PGM5: variants seen among roughly 807,000 people sequenced by gnomAD.
PGM5 encodes phosphoglucomutase-like protein 5.
A neutral mutation model predicts 59.2 loss-of-function variants in PGM5; 23 were observed. The observed-to-expected ratio is 0.39, with a 90% CI of 0.28 to 0.55. The LOEUF is 0.55. Ranked by LOEUF, PGM5 falls within the 20% of genes least tolerant of loss-of-function variation. The pLI, the probability that PGM5 is intolerant of heterozygous loss-of-function variation, is 0.66. For missense variants in PGM5, 574 were observed against 748.3 expected (o/e 0.77, Z 2.72); for synonymous variants, 214 against 286.0 (o/e 0.75, Z 2.54).
intron 1 of PGM5, chr9:68,357,961 ACAC>A (rs1554675940): frequency 6.7e-6 from 1 of 149,462 alleles, no homozygotes; most frequent in Non-Finnish European, 1.5e-5. Flanking sequence ...ACACACACAC[ACAC>A]GATCCCTGAC....
chr9:68,529,377 C>A (rs1214643313), intron 10 of PGM5, among the ~76,000 whole-genome samples, 190 bp from the exon 11 acceptor site: 2 of 152,218 alleles, frequency 1.3e-5, no homozygotes, highest in Non-Finnish European at 2.9e-5. Context: ...ATCACCTTCT[C>A]CCCCTACTCT....
chr9:68,374,867 T>C (rs1821838864), intron 1 of PGM5, among the ~76,000 whole-genome samples: 1 of 152,228 alleles, frequency 6.6e-6, no homozygotes, highest in Admixed American at 6.5e-5. Context: ...AAACATATAA[T>C]GTAGAAAATT....
intron 9 of PGM5, among the ~76,000 whole-genome samples, chr9:68,492,504 G>A (rs1167441893): frequency 3.9e-5 from 6 of 152,210 alleles, no homozygotes; most frequent in Non-Finnish European, 5.9e-5. Flanking sequence ...TTTTAAAAGA[G>A]GCTGGGTGAG....
chr9:68,499,436 G>T, intron 10 of PGM5, 75 bp downstream of exon 10: 1 of 1,463,980 alleles, frequency 6.8e-7, no homozygotes, highest in East Asian at 2.3e-5. Flanking sequence ...TGGGCCTTTA[G>T]TGGGGCTATT....
chr9:68,525,297 T>C (rs1824954283), intron 10 of PGM5, among the ~76,000 whole-genome samples: 1 of 152,230 alleles, frequency 6.6e-6, no homozygotes, highest in African/African-American at 2.4e-5. Flanking sequence ...CAAAGATGTA[T>C]TGAGTATCTC....
intron 10 of PGM5, among the ~76,000 whole-genome samples, chr9:68,511,109 G>T (rs1824742156): frequency 6.6e-6 from 1 of 152,338 alleles, no homozygotes; most frequent in Non-Finnish European, 1.5e-5. Flanking sequence ...AGCAAGGGAA[G>T]GGGATTCTCT....
intron 7 of PGM5, among the ~76,000 whole-genome samples, chr9:68,467,112 G>A (rs1034603199): frequency 6.6e-6 from 1 of 152,116 alleles, no homozygotes; most frequent in Non-Finnish European, 1.5e-5. Context: ...GCTGATCGTC[G>A]CTTGCATACC....
intron 8 of PGM5, among the ~76,000 whole-genome samples, chr9:68,480,691 T>A (rs1587204869): frequency 6.8e-6 from 1 of 146,574 alleles, no homozygotes. Flanking sequence ...AGAGTGAGAC[T>A]CCATCTCAAA....
At chr9:68,420,080 G>C (rs782379242) in intron 6 of PGM5, among the ~76,000 whole-genome samples, 11 of 152,090 alleles carry the variant, frequency 7.2e-5, no homozygotes, top group African/African-American at 2.7e-4. Context: ...AGCTGAAAAC[G>C]TACACCTAGA....
chr9:68,432,864 C>T (rs980390239), intron 6 of PGM5, among the ~76,000 whole-genome samples: 5 of 152,194 alleles, frequency 3.3e-5, no homozygotes, highest in Non-Finnish European at 5.9e-5. Context: ...GCCTTGACCT[C>T]CCAAAGTGCT....
intron 6 of PGM5, among the ~76,000 whole-genome samples, chr9:68,444,926 G>A (rs1823588364): frequency 6.6e-6 from 1 of 152,238 alleles, no homozygotes; most frequent in Non-Finnish European, 1.5e-5. Context: ...AACTCCCACA[G>A]GGATTGGCCT....
chr9:68,488,187 G>T (rs192318909), intron 9 of PGM5, among the ~76,000 whole-genome samples: 1 of 152,068 alleles, frequency 6.6e-6, no homozygotes, highest in Non-Finnish European at 1.5e-5. Flanking sequence ...ATTTGAGAAG[G>T]CCCCTTCAGT....
rs1821985688 is a variant in PGM5, at chr9:68,378,598, T to C, written c.424+237T>C. 3.3e-5 allele frequency among the ~76,000 whole-genome samples: 5 copies of C among 152,224 alleles called. No individual in the cohort carries two copies. The South Asian group carries it at 1.0e-3, about 32-fold the overall frequency. On this transcript the variant is annotated intron_variant, in intron 2 of 10. Transcript: ENST00000396396. ...CATAAACTATTGAATAGTTGATGCT[T>C]ATCTGATATGGAAGGACTCTGAATT...
intron 6 of PGM5, among the ~76,000 whole-genome samples, chr9:68,406,672 A>G (rs1276890838): frequency 3.1e-4 from 2 of 6,508 alleles, no homozygotes; most frequent in East Asian, 0.021. Context: ...ATATATATAT[A>G]TATATGTATA....
chr9:68,435,942 G>T (rs1823435572), intron 6 of PGM5, among the ~76,000 whole-genome samples: 1 of 152,154 alleles, frequency 6.6e-6, no homozygotes, highest in East Asian at 1.9e-4. Context: ...TAGTAACTTG[G>T]TGAACTTTTC....
intron 7 of PGM5, among the ~76,000 whole-genome samples, chr9:68,477,593 G>C (rs1824127880): frequency 6.6e-6 from 1 of 152,174 alleles, no homozygotes; most frequent in Admixed American, 6.5e-5. Flanking sequence ...TGTTTCTTAA[G>C]ACATTACTAT....
intron 10 of PGM5, among the ~76,000 whole-genome samples, chr9:68,504,115 C>A (rs1824620108): frequency 6.6e-6 from 1 of 152,188 alleles, no homozygotes; most frequent in Non-Finnish European, 1.5e-5. Flanking sequence ...ATGAGCAGCA[C>A]CTGTTTTTAA....
chr9:68,361,896 G>A lies in PGM5; in HGVS notation c.261+4508G>A, dbSNP rs552002943. On this transcript the variant is annotated intron_variant, in intron 1 of 10. Coordinates refer to ENST00000396396, the MANE Select transcript of PGM5 (RefSeq NM_021965.4). ...CACATCCCATCATTAGTGATGGTGA[G>A]ATGATCGCAAGGTTAGGGCGATCAC... Among the ~76,000 whole-genome samples the A allele has an allele frequency of 4.1e-4, 63 of 152,082 alleles. No homozygotes were observed. In the East Asian group the frequency reaches 0.011, roughly 27 times the overall value.
intron 9 of PGM5, among the ~76,000 whole-genome samples, chr9:68,496,248 A>G (rs933159490): frequency 1.3e-5 from 2 of 152,244 alleles, no homozygotes; most frequent in Non-Finnish European, 2.9e-5. Context: ...CATGATGGAA[A>G]GAACATGGCT....
Sources: gnomAD v4.1 joint callset for allele counts (sites outside exome capture counted in the v4.1 genomes callset) on GRCh38, gnomAD v4.1.1 for gene constraint, MANE v1.5 for transcripts, NCBI Gene and HGNC (gene_info 2026-07-23, HGNC 2026-07-21) for gene names.